DMD: variants seen among roughly 807,000 people sequenced by gnomAD.
DMD encodes the protein dystrophin.
In DMD, 63 loss-of-function variants were observed where a neutral mutation model predicts 330.1. The observed-to-expected ratio is 0.19, with a 90% CI of 0.16 to 0.24. The LOEUF (loss-of-function observed/expected upper bound fraction) is 0.24. DMD is among the 10% of genes least tolerant of loss of function. The pLI is 1.00. For synonymous variants in DMD, 1,223 were observed against 959.8 expected (o/e 1.27, Z -5.07); for missense variants, 3,344 against 2,684.1 (o/e 1.25, Z -5.43).
At chrX:32,703,352 A>T in intron 7 of DMD, among the ~76,000 whole-genome samples, 1 of 111,468 alleles carries the variant, frequency 9.0e-6, no homozygotes. Flanking sequence ...ACTATGTTGC[A>T]TTTTTTTGTC....
intron 18 of DMD, among the ~76,000 whole-genome samples, chrX:32,505,712 A>T (rs1481250695): frequency 8.9e-6 from 1 of 112,279 alleles, no homozygotes; most frequent in African/African-American, 3.2e-5. Context: ...TGAATGCTGC[A>T]GCAGCTTTGT....
chrX:31,748,598 T>C (rs961551257), intron 51 of DMD, among the ~76,000 whole-genome samples: 2 of 112,133 alleles, frequency 1.8e-5, no homozygotes, highest in Admixed American at 1.9e-4. Flanking sequence ...GCGTAGCAAT[T>C]ACTACAACAA....
chrX:32,790,932 G>A (rs2075771214), intron 7 of DMD, among the ~76,000 whole-genome samples: 1 of 111,186 alleles, frequency 9.0e-6, no homozygotes, highest in Non-Finnish European at 1.9e-5. Context: ...ACCAGTGGTT[G>A]CATGCACCAC....
Position 32,849,834 on chromosome X carries a change from A to T in DMD, c.94-14T>A, listed in dbSNP as rs2080988863. 1 of 1,103,240 alleles carries T rather than the reference A, an allele frequency of 9.1e-7. No individual in the cohort carries two copies. Among genetic ancestry groups the T allele is most frequent in the South Asian group, 1.8e-5 (1 of 54,526 alleles). 90.9% of individuals were successfully genotyped at this position (1,103,240 alleles called of 1,213,427 possible). Reference sequence around the variant, plus strand: ...CTGCTTCCCAAACTGAAATTAAAAAAAATACACTCAATTTAACAAAGCACA... The same window carrying T: ...CTGCTTCCCAAACTGAAATTAAAAATAATACACTCAATTTAACAAAGCACA... On this transcript the variant is annotated splice_polypyrimidine_tract_variant and intron_variant, in intron 2 of 78. Transcript: ENST00000357033.
intron 44 of DMD, among the ~76,000 whole-genome samples, chrX:32,126,938 C>G (rs2096664565): frequency 8.9e-6 from 1 of 112,176 alleles, no homozygotes; most frequent in Non-Finnish European, 1.9e-5. Flanking sequence ...ATAAGGCCAG[C>G]AACATTCCTT....
intron 1 of DMD, among the ~76,000 whole-genome samples, chrX:33,044,735 G>A (rs1356266247): frequency 9.0e-6 from 1 of 111,602 alleles, no homozygotes; most frequent in Admixed American, 9.6e-5. Flanking sequence ...AAACAATCCA[G>A]AGCTGAAGAG....
At chrX:31,856,121 G>A (rs1004393044) in intron 48 of DMD, among the ~76,000 whole-genome samples, 4 of 111,689 alleles carry the variant, frequency 3.6e-5, no homozygotes, top group African/African-American at 6.5e-5. Flanking sequence ...ACAATCCAAC[G>A]GAAAATTGGG....
At chrX:32,579,566 CA>C (rs1178656880) in intron 13 of DMD, among the ~76,000 whole-genome samples, 1 of 112,393 alleles carries the variant, frequency 8.9e-6, no homozygotes, top group Admixed American at 9.4e-5. Flanking sequence ...GTGAGATATC[CA>C]GATGCCGAAT....
At chrX:31,639,418 A>G (rs2079600451) in intron 54 of DMD, among the ~76,000 whole-genome samples, 1 of 112,132 alleles carries the variant, frequency 8.9e-6, no homozygotes, top group South Asian at 3.7e-4. Flanking sequence ...CGTAAACATA[A>G]GATATTTTCC....
intron 54 of DMD, among the ~76,000 whole-genome samples, chrX:31,654,674 C>A (rs964599798): frequency 9.0e-6 from 1 of 111,196 alleles, no homozygotes; most frequent in Middle Eastern, 4.6e-3. Flanking sequence ...AACCAAATAC[C>A]CCATGTTCTC....
chrX:32,654,639 T>C (rs936472879), intron 9 of DMD, among the ~76,000 whole-genome samples: 2 of 111,768 alleles, frequency 1.8e-5, no homozygotes. Flanking sequence ...CTGCCAGGCT[T>C]TGGTATCAGG....
intron 29 of DMD, among the ~76,000 whole-genome samples, chrX:32,427,783 TTTTAA>T (rs1436616427): frequency 9.0e-6 from 1 of 111,666 alleles, no homozygotes; most frequent in Non-Finnish European, 1.9e-5. Flanking sequence ...GTAGGAAGAC[TTTTAA>T]TTTGTGATTA....
intron 17 of DMD, among the ~76,000 whole-genome samples, chrX:32,538,509 C>T (rs1237387417): frequency 9.0e-6 from 1 of 111,006 alleles, no homozygotes; most frequent in African/African-American, 3.3e-5. Flanking sequence ...TCAGACTCAG[C>T]CTGCCTGCAC....
At chrX:32,863,537 TACACACAC>T (rs199774174) in intron 2 of DMD, among the ~76,000 whole-genome samples, 13,144 of 78,022 alleles carry the variant, frequency 0.17, 938 homozygotes, top group South Asian at 0.44. Flanking sequence ...ATTGTGTTTA[TACACACAC>T]ACACACACAC....
rs192428402 is a variant in DMD, at chrX:32,401,561, G to A, written c.4233+10191C>T. Among the ~76,000 whole-genome samples, 3 of 111,380 alleles carry A rather than the reference G, an allele frequency of 2.7e-5. No individual in the cohort carries two copies. In the Admixed American group the frequency reaches 2.9e-4, roughly 11 times the overall value. ...GAGAGTAGAAGGATCCTTACTAGAG[G>A]CTGGGAAGGGTAGTCAGGGGTTGGG... On this transcript the variant is annotated intron_variant, in intron 30 of 78. Transcript: ENST00000357033.
intron 1 of DMD, among the ~76,000 whole-genome samples, chrX:33,025,461 A>C (rs1196796795): frequency 9.3e-6 from 1 of 107,505 alleles, no homozygotes; most frequent in Non-Finnish European, 1.9e-5. Context: ...GAAAGCATTT[A>C]AAAACTGGGG....
At chrX:31,495,447 T>C (rs886240658) in intron 57 of DMD, among the ~76,000 whole-genome samples, 3 of 111,899 alleles carry the variant, frequency 2.7e-5, no homozygotes, top group Non-Finnish European at 5.6e-5. Context: ...CCAGACACTT[T>C]ACTAGACTCT....
intron 55 of DMD, among the ~76,000 whole-genome samples, chrX:31,574,787 A>C (rs6631343): frequency 0.036 from 3,953 of 111,212 alleles, 148 homozygotes; most frequent in East Asian, 0.13. Flanking sequence ...ATTTGGCCAA[A>C]TCAGACATAA....
chrX:31,452,117 T>C (rs1279422022), intron 59 of DMD, among the ~76,000 whole-genome samples: 3 of 108,931 alleles, frequency 2.8e-5, no homozygotes, highest in Admixed American at 2.0e-4. Context: ...GAAAACAATA[T>C]TAAGTTTGTA....
Sources: gnomAD v4.1 joint callset for allele counts (sites outside exome capture counted in the v4.1 genomes callset) on GRCh38, gnomAD v4.1.1 for gene constraint, MANE v1.5 for transcripts, NCBI Gene and HGNC (gene_info 2026-07-23, HGNC 2026-07-21) for gene names.